MOCOS: variants seen among roughly 807,000 people sequenced by gnomAD.
MOCOS encodes human molybdenum cofactor sulfurase.
Under a neutral mutation model 83.6 loss-of-function variants are expected in MOCOS, and 86 were observed. That is an observed-to-expected ratio of 1.03 (90% CI 0.86 to 1.23). The LOEUF (loss-of-function observed/expected upper bound fraction) is 1.23, where lower values mean the gene tolerates loss of function less well. Among genes scored for constraint, MOCOS ranks in the 50% most tolerant of loss-of-function variants. MOCOS has a pLI of 0.00. For synonymous variants in MOCOS, 445 were observed against 434.7 expected (o/e 1.02, Z -0.29); for missense variants, 1,120 against 1,126.9 (o/e 0.99, Z 0.09).
At position 36,254,250 on chromosome 18, in the gene MOCOS, A is replaced by G. The variant is rs80186948; in HGVS notation, c.2165-2718A>G. On this transcript the variant is annotated intron_variant, in intron 11 of 14. Transcript: ENST00000261326. ...TAAAACTATATTCCTCACTCATACT[A>G]AAATTTTTACGTTGTCATCTAAATT... 5.3e-3 allele frequency among the ~76,000 whole-genome samples: 811 copies of G among 152,316 alleles called. 5 individuals carry two copies. The highest frequency in any genetic ancestry group is 0.019 in the African/African-American group (770 of 41,568).
At chr18:36,223,207 G>A (rs944245455) in intron 9 of MOCOS, among the ~76,000 whole-genome samples, 2 of 152,124 alleles carry the variant, frequency 1.3e-5, no homozygotes, top group African/African-American at 4.8e-5. Flanking sequence ...TTTCTGCCAG[G>A]AGCTTTACAT....
intron 9 of MOCOS, among the ~76,000 whole-genome samples, chr18:36,246,588 G>A (rs1438245164): frequency 6.6e-6 from 1 of 152,190 alleles, no homozygotes; most frequent in Non-Finnish European, 1.5e-5. Context: ...TAGTGTGCTG[G>A]TTTTAGTCCT....
Position 36,197,272 on chromosome 18 carries a change from A to G in MOCOS, c.233-1418A>G, listed in dbSNP as rs369452674. On this transcript the variant is annotated intron_variant, in intron 2 of 14. Transcript: ENST00000261326. ...TAAGTGGCGTTCATGGCTCTGCTTC[A>G]TGCTTGGAGAAAAGGGCATCCTCCT... Among the ~76,000 whole-genome samples, 6 of 152,198 alleles carry G rather than the reference A, an allele frequency of 3.9e-5. No individual in the cohort carries two copies. The South Asian group carries it at 6.2e-4, about 16-fold the overall frequency.
chr18:36,203,010 A>G, intron 4 of MOCOS, 103 bp from the exon 5 acceptor site: 1 of 1,162,238 alleles, frequency 8.6e-7, no homozygotes. Flanking sequence ...GCCAAACCAC[A>G]TCAACAGCTA....
chr18:36,215,070 C>A (rs903080601), intron 7 of MOCOS, among the ~76,000 whole-genome samples: 2 of 152,186 alleles, frequency 1.3e-5, no homozygotes, highest in Admixed American at 6.5e-5. Flanking sequence ...TGTCAAGGGG[C>A]AGCTCTCAGG....
chr18:36,239,148 G>T (rs373950101), intron 9 of MOCOS, among the ~76,000 whole-genome samples: 47 of 150,760 alleles, frequency 3.1e-4, no homozygotes, highest in African/African-American at 9.7e-4. Flanking sequence ...AAAGTTAATA[G>T]TGTTATGTGT....
intron 8 of MOCOS, 61 bp downstream of exon 8, chr18:36,216,038 T>A (rs925312850): frequency 1.7e-5 from 26 of 1,489,208 alleles, no homozygotes; most frequent in Non-Finnish European, 2.3e-5. Flanking sequence ...TATTTTTTGA[T>A]AAAGTGAAGA....
At chr18:36,191,020 C>CAAAAAAAAAAAAAAA (rs113481286) in intron 1 of MOCOS, among the ~76,000 whole-genome samples, 9 of 81,418 alleles carry the variant, frequency 1.1e-4, no homozygotes, top group African/African-American at 2.0e-4. Context: ...CCCTATCTCT[C>CAAAAAAAAAAAAAAA]AAAAAAAAAA....
chr18:36,241,650 A>G (rs952027183), intron 9 of MOCOS, among the ~76,000 whole-genome samples: 14 of 152,292 alleles, frequency 9.2e-5, no homozygotes, highest in Admixed American at 2.6e-4. Context: ...GGAATCTCCA[A>G]TTTCACATTA....
At chr18:36,219,797 C>G (rs1428418529) in intron 8 of MOCOS, among the ~76,000 whole-genome samples, 1 of 152,230 alleles carries the variant, frequency 6.6e-6, no homozygotes, top group South Asian at 2.1e-4. Flanking sequence ...GAATGTCAGG[C>G]ATTACCTACT....
Position 36,199,386 on chromosome 18 carries a change from G to T in MOCOS, c.300-297G>T, listed in dbSNP as rs8096011. Among the ~76,000 whole-genome samples, 12,751 of 152,266 alleles carry T rather than the reference G, an allele frequency of 0.084. 696 individuals are homozygous for T. Among genetic ancestry groups the T allele is most frequent in the African/African-American group, 0.14 (5,887 of 41,544 alleles). On this transcript the variant is annotated intron_variant, in intron 3 of 14. Coordinates refer to ENST00000261326, the MANE Select transcript of MOCOS (RefSeq NM_017947.4). ...ACTACTTAAACCTTGTTATGTTAGA[G>T]CTGAGCAGAAAGCACCAAGGAGAGA...
intron 6 of MOCOS, among the ~76,000 whole-genome samples, chr18:36,209,327 T>C (rs1470330207): frequency 1.3e-5 from 2 of 152,090 alleles, no homozygotes; most frequent in Non-Finnish European, 2.9e-5. Context: ...TACAGGAACA[T>C]GCCACCATGC....
In MOCOS at chr18:36,251,207, AT is replaced by A; in HGVS notation, c.2094del (p.Phe698LeufsTer7). The stretch of plus-strand genomic sequence containing the variant: ...AAAAAATTTCAAGCTGGTTGTCAAC[AT>A]TTTTTGGCCGTCCTTGTCATTTGAT... ...GEKISSWLST[F>X]FGRPCHLIKQ... On this transcript the variant is annotated frameshift_variant, in exon 11 of 15. Transcript: ENST00000261326. LOFTEE classifies it high-confidence loss of function. The A allele has an allele frequency of 6.2e-7, 1 of 1,613,856 alleles. No individual in the cohort carries two copies. The highest frequency in any genetic ancestry group is 8.5e-7 in the Non-Finnish European group (1 of 1,179,720).
intron 9 of MOCOS, among the ~76,000 whole-genome samples, chr18:36,231,808 C>T (rs184452222): frequency 1.4e-4 from 22 of 152,260 alleles, no homozygotes; most frequent in Non-Finnish European, 2.6e-4. Context: ...TGGATGTGAT[C>T]GCCCCCATTC....
intron 13 of MOCOS, among the ~76,000 whole-genome samples, chr18:36,265,894 G>A (rs3786279): frequency 0.23 from 35,060 of 151,950 alleles, 4,230 homozygotes; most frequent in Admixed American, 0.25. Context: ...TGCCTGAACC[G>A]TATACATCAT....
chr18:36,247,494 C>T (rs534352070), intron 9 of MOCOS, among the ~76,000 whole-genome samples: 42 of 152,326 alleles, frequency 2.8e-4, no homozygotes, highest in African/African-American at 8.9e-4. Context: ...TGGCTGCCTT[C>T]CCTTCCCCAA....
chr18:36,227,700 C>A (rs1166707177), intron 9 of MOCOS, among the ~76,000 whole-genome samples: 3 of 152,100 alleles, frequency 2.0e-5, no homozygotes, highest in South Asian at 4.2e-4. Context: ...CTGGCCCATG[C>A]CCAACTAAAT....
intron 9 of MOCOS, among the ~76,000 whole-genome samples, chr18:36,239,321 G>A (rs1253698646): frequency 6.7e-6 from 1 of 149,778 alleles, no homozygotes. Context: ...CTCTTTTAGG[G>A]CAGGCCTGGT....
At chr18:36,235,789 C>G (rs1427369456) in intron 9 of MOCOS, among the ~76,000 whole-genome samples, 1 of 146,118 alleles carries the variant, frequency 6.8e-6, no homozygotes, top group Non-Finnish European at 1.5e-5. Flanking sequence ...CTCTCCAGCA[C>G]CTGTTGTTTC....
Sources: gnomAD v4.1 joint callset for allele counts (sites outside exome capture counted in the v4.1 genomes callset) on GRCh38, gnomAD v4.1.1 for gene constraint, MANE v1.5 for transcripts, NCBI Gene and HGNC (gene_info 2026-07-23, HGNC 2026-07-21) for gene names.